The following SAMMSON variants were observed in gnomAD, a reference collection of about 807,000 sequenced individuals.
SAMMSON encodes the protein survival associated mitochondrial melanoma specific oncogenic non-coding RNA.
chr3:70,211,507 GCCCTT>G (rs1322577488), intron 4 of SAMMSON, among the ~76,000 whole-genome samples: 1,230 of 5,268 alleles, frequency 0.23, 221 homozygotes, highest in African/African-American at 0.35. Context: ...CCTTCCCTTT[GCCCTT>G]CCCTTCCCTT....
intron 7 of SAMMSON, among the ~76,000 whole-genome samples, chr3:70,349,415 G>A (rs921672838): frequency 1.3e-5 from 2 of 151,952 alleles, no homozygotes; most frequent in African/African-American, 2.4e-5. Flanking sequence ...TTCAGAAAGT[G>A]GGGAGCATTT....
At chr3:70,169,568 G>A (rs2067653187) in intron 4 of SAMMSON, among the ~76,000 whole-genome samples, 1 of 151,816 alleles carries the variant, frequency 6.6e-6, no homozygotes, top group South Asian at 2.1e-4. Context: ...TCATGGCGAA[G>A]GTTCCTTGCT....
intron 3 of SAMMSON, among the ~76,000 whole-genome samples, chr3:70,038,149 A>G (rs1559778283): frequency 6.6e-6 from 1 of 152,148 alleles, no homozygotes; most frequent in African/African-American, 2.4e-5. Flanking sequence ...ACCACAACTC[A>G]TGTTGAAATT....
downstream of SAMMSON, among the ~76,000 whole-genome samples, chr3:70,390,748 A>G (rs1052126909): frequency 6.6e-6 from 1 of 152,172 alleles, no homozygotes; most frequent in Non-Finnish European, 1.5e-5. Flanking sequence ...TGGCAGGGAC[A>G]TATATCCAAA....
chr3:70,142,499 G>A (rs1005714275), intron 4 of SAMMSON, among the ~76,000 whole-genome samples: 2 of 152,052 alleles, frequency 1.3e-5, no homozygotes, highest in African/African-American at 4.8e-5. Context: ...GGATGCAAAG[G>A]CATAAGAATG....
chr3:70,300,079 C>T (rs1432762998), intron 7 of SAMMSON, among the ~76,000 whole-genome samples: 1 of 152,074 alleles, frequency 6.6e-6, no homozygotes, highest in Admixed American at 6.6e-5. Flanking sequence ...CAGCCAAATT[C>T]CCCATTTTTC....
At chr3:70,152,661 AT>A (rs2067576424) in intron 4 of SAMMSON, among the ~76,000 whole-genome samples, 1 of 151,938 alleles carries the variant, frequency 6.6e-6, no homozygotes, top group African/African-American at 2.4e-5. Context: ...TATGTGTATT[AT>A]TTTCTTAGTC....
At chr3:70,194,523 G>T (rs1701156559) in intron 4 of SAMMSON, among the ~76,000 whole-genome samples, 1 of 152,172 alleles carries the variant, frequency 6.6e-6, no homozygotes, top group African/African-American at 2.4e-5. Flanking sequence ...ATAAAGAAAA[G>T]AAATTTCACA....
At chr3:70,078,038 T>C (rs2067255146) in intron 4 of SAMMSON, among the ~76,000 whole-genome samples, 1 of 152,146 alleles carries the variant, frequency 6.6e-6, no homozygotes, top group Admixed American at 6.6e-5. Flanking sequence ...ACTTAACCTT[T>C]AGCCCTCAAT....
chr3:70,095,533 A>T (rs959872659), intron 4 of SAMMSON, among the ~76,000 whole-genome samples: 1 of 152,138 alleles, frequency 6.6e-6, no homozygotes, highest in African/African-American at 2.4e-5. Context: ...TCGTCGTGTT[A>T]TATATTTCAC....
chr3:70,337,968 A>G (rs1702678483), intron 7 of SAMMSON, among the ~76,000 whole-genome samples: 1 of 151,834 alleles, frequency 6.6e-6, no homozygotes, highest in African/African-American at 2.4e-5. Flanking sequence ...TTCTCATTAA[A>G]GAATTAAACC....
chr3:70,082,137 T>C (rs1360351144), intron 4 of SAMMSON, among the ~76,000 whole-genome samples: 1 of 152,156 alleles, frequency 6.6e-6, no homozygotes, highest in East Asian at 1.9e-4. Flanking sequence ...CCTAAGAGCC[T>C]CCCTTAGAAC....
intron 2 of SAMMSON, among the ~76,000 whole-genome samples, chr3:70,412,005 C>T (rs778769170): frequency 2.0e-5 from 3 of 152,114 alleles, no homozygotes; most frequent in Non-Finnish European, 4.4e-5. Context: ...TGTTTAGAAC[C>T]AAGAAGGACA....
intron 4 of SAMMSON, among the ~76,000 whole-genome samples, chr3:70,115,564 C>T (rs891841296): frequency 2.0e-5 from 3 of 152,056 alleles, no homozygotes; most frequent in Non-Finnish European, 4.4e-5. Flanking sequence ...TAAGGGCCAA[C>T]GTGGATTCTC....
chr3:70,332,012 T>G (rs887083442), intron 7 of SAMMSON, among the ~76,000 whole-genome samples: 1 of 152,194 alleles, frequency 6.6e-6, no homozygotes, highest in African/African-American at 2.4e-5. Context: ...TATTGATAGA[T>G]CTGATGAATG....
At chr3:70,398,242 G>A (rs1329373934) in intron 2 of SAMMSON, among the ~76,000 whole-genome samples, 1 of 152,110 alleles carries the variant, frequency 6.6e-6, no homozygotes, top group African/African-American at 2.4e-5. Flanking sequence ...TACTCATATT[G>A]GCTTTATTCT....
chr3:70,176,320 C>G (rs1457440688), intron 4 of SAMMSON, among the ~76,000 whole-genome samples: 3 of 152,040 alleles, frequency 2.0e-5, no homozygotes, highest in Non-Finnish European at 4.4e-5. Context: ...TGAAGGAAAC[C>G]CCATAAGCCT....
chr3:70,140,986 C>T (rs965790914), intron 4 of SAMMSON, among the ~76,000 whole-genome samples: 3 of 152,030 alleles, frequency 2.0e-5, no homozygotes, highest in African/African-American at 7.2e-5. Context: ...CAGAATTGCC[C>T]TTCGTGGGAC....
rs143279780 is a variant in SAMMSON at position 70,377,316 on chromosome 3, T to C, written n.914-12258T>C. On this transcript the variant is annotated intron_variant and non_coding_transcript_variant, in intron 9 of 9. Coordinates refer to ENST00000642114, the Ensembl canonical transcript of SAMMSON. ...GTATTAACATAGAAAGAGACACATA[T>C]TTGTGTGGAAAGAAATGTAACTGTG... is the stretch of plus-strand genomic sequence containing the variant. Among the ~76,000 whole-genome samples the C allele has an allele frequency of 2.1e-3, 318 of 152,178 alleles. 4 individuals carry two copies. The East Asian group carries it at 0.034, about 16-fold the overall frequency.
Sources: allele counts gnomAD v4.1 joint callset (sites outside exome capture counted in the v4.1 genomes callset), GRCh38; gene constraint gnomAD v4.1.1; transcripts MANE v1.5; gene names NCBI Gene and HGNC (gene_info 2026-07-23, HGNC 2026-07-21).